The following DEPDC1B variants were observed in gnomAD, a reference collection of about 807,000 sequenced individuals.
DEPDC1B encodes the protein DEP domain containing 1B, also known as DEP domain-containing protein 1B.
In DEPDC1B, 51 loss-of-function variants were observed where a neutral mutation model predicts 66.5. The observed-to-expected ratio is 0.77, with a 90% confidence interval of 0.61 to 0.97. The LOEUF is 0.97. Ranked by LOEUF, DEPDC1B falls within the 50% of genes least tolerant of loss-of-function variation. The probability of loss-of-function intolerance (pLI) is 0.00; values close to 1 mark genes in which losing one functional copy is unlikely to be tolerated. For synonymous variants in DEPDC1B, 226 were observed against 223.6 expected, an observed-to-expected ratio of 1.01 and a Z score of -0.10; for missense variants, 552 against 637.1, an observed-to-expected ratio of 0.87 and a Z score of 1.44.
chr5:60,681,302 G>A (rs1292542545), intron 2 of DEPDC1B, among the ~76,000 whole-genome samples: 2 of 152,106 alleles, frequency 1.3e-5, no homozygotes, highest in Non-Finnish European at 1.5e-5. Flanking sequence ...AGAGCGGCAG[G>A]ACCAGCCTGC....
chr5:60,683,921 C>G (rs1174366366), intron 2 of DEPDC1B, among the ~76,000 whole-genome samples: 1 of 151,604 alleles, frequency 6.6e-6, no homozygotes, highest in Admixed American at 6.6e-5. Flanking sequence ...GATACAAAAT[C>G]AACACACAAA....
intron 2 of DEPDC1B, 23 bp from the exon 3 acceptor site, chr5:60,647,556 C>A (rs377124783): frequency 6.2e-7 from 1 of 1,609,262 alleles, no homozygotes; most frequent in Non-Finnish European, 8.5e-7. Context: ...AAGAAATTCT[C>A]TATTACTGCA....
intron 1 of DEPDC1B, among the ~76,000 whole-genome samples, chr5:60,695,041 A>G (rs545644315): frequency 2.0e-5 from 3 of 152,260 alleles, no homozygotes; most frequent in East Asian, 1.9e-4. Flanking sequence ...GTATTAAAAT[A>G]TTTATCAAAA....
intron 1 of DEPDC1B, among the ~76,000 whole-genome samples, chr5:60,690,172 CATAAGT>C (rs1490603640): frequency 6.6e-6 from 1 of 152,098 alleles, no homozygotes; most frequent in African/African-American, 2.4e-5. Context: ...TACTTATAAA[CATAAGT>C]ATATTTATGC....
chr5:60,629,145 T>G (rs538091538), intron 7 of DEPDC1B, among the ~76,000 whole-genome samples: 2 of 152,216 alleles, frequency 1.3e-5, no homozygotes, highest in Non-Finnish European at 2.9e-5. Context: ...TTTCTTACAT[T>G]GTCCACCATG....
At chr5:60,666,482 C>T (rs911010203) in intron 2 of DEPDC1B, among the ~76,000 whole-genome samples, 3 of 152,150 alleles carry the variant, frequency 2.0e-5, no homozygotes, top group African/African-American at 7.2e-5. Context: ...GTACTCTCCC[C>T]TTTTCCCTAA....
chr5:60,597,930 G>A lies in DEPDC1B; in HGVS notation c.1429-16C>T. ...ATTTCTGAAACTAAAAAAATGAATGGTCCAAGAAGAGTAAAAAAAGACACA... is the reference window on the plus strand; with the variant it reads ...ATTTCTGAAACTAAAAAAATGAATGATCCAAGAAGAGTAAAAAAAGACACA... On this transcript the variant is annotated splice_polypyrimidine_tract_variant and intron_variant, in intron 10 of 10. Transcript: ENST00000265036. 1 of 1,551,696 alleles carries A rather than the reference G, an allele frequency of 6.4e-7. No homozygotes were observed. Among genetic ancestry groups the A allele is most frequent in the Non-Finnish European group, 8.6e-7 (1 of 1,157,100 alleles).
chr5:60,669,651 C>T (rs1385051555), intron 2 of DEPDC1B, among the ~76,000 whole-genome samples: 3 of 152,090 alleles, frequency 2.0e-5, no homozygotes, highest in African/African-American at 7.2e-5. Flanking sequence ...ATGTCAGGAA[C>T]ATAAAGTGTT....
intron 2 of DEPDC1B, among the ~76,000 whole-genome samples, chr5:60,667,636 T>G (rs1243143038): frequency 7.4e-6 from 1 of 135,900 alleles, no homozygotes; most frequent in East Asian, 2.3e-4. Context: ...ATTTTACATA[T>G]ATGAAAAATG....
intron 2 of DEPDC1B, among the ~76,000 whole-genome samples, chr5:60,664,813 T>C (rs1273437291): frequency 1.3e-5 from 2 of 152,080 alleles, no homozygotes; most frequent in Non-Finnish European, 2.9e-5. Flanking sequence ...TAAATATATA[T>C]ACAGAATCTA....
Position 60,599,320 on chromosome 5 carries a change from T to A in DEPDC1B, c.1243-60A>T. On this transcript the variant is annotated intron_variant, in intron 9 of 10. Coordinates refer to ENST00000265036, the MANE Select transcript of DEPDC1B (RefSeq NM_018369.3). ...CATATTTTCAAATAAATTATAAGAA[T>A]TAGTTTAGATCAAATACAGGATATC... The A allele has an allele frequency of 2.2e-6, 3 of 1,345,384 alleles. No homozygotes were observed. The South Asian group carries it at 5.1e-5, about 23-fold the overall frequency. The allele number at this position is 1,345,384 out of a possible 1,614,324, so 83.3% of individuals were successfully genotyped here.
intron 7 of DEPDC1B, among the ~76,000 whole-genome samples, chr5:60,616,894 C>T (rs1476320654): frequency 6.6e-6 from 1 of 152,162 alleles, no homozygotes; most frequent in East Asian, 1.9e-4. Flanking sequence ...AGAGAAAGGT[C>T]AGGTTACCCA....
chr5:60,612,374 G>T (rs140763043), intron 7 of DEPDC1B, among the ~76,000 whole-genome samples: 5,260 of 149,822 alleles, frequency 0.035, 116 homozygotes, highest in Non-Finnish European at 0.048. Flanking sequence ...AATGAGCCAA[G>T]ATTGTGCCGC....
At chr5:60,624,007 A>C (rs1216062834) in intron 7 of DEPDC1B, among the ~76,000 whole-genome samples, 2 of 152,028 alleles carry the variant, frequency 1.3e-5, no homozygotes, top group Non-Finnish European at 2.9e-5. Flanking sequence ...CATGCCTTTA[A>C]GGCATGAAAG....
chr5:60,654,184 A>T (rs1262119378), intron 2 of DEPDC1B, among the ~76,000 whole-genome samples: 1 of 148,870 alleles, frequency 6.7e-6, no homozygotes, highest in Admixed American at 6.7e-5. Flanking sequence ...GAATTTGTAG[A>T]TTGCTTTTGG....
intron 9 of DEPDC1B, among the ~76,000 whole-genome samples, chr5:60,602,741 TC>T (rs1457361937): frequency 6.6e-6 from 1 of 152,150 alleles, no homozygotes; most frequent in African/African-American, 2.4e-5. Context: ...GTTCTAATCT[TC>T]ACAACTTTAT....
intron 7 of DEPDC1B, among the ~76,000 whole-genome samples, chr5:60,608,119 A>T (rs1455149004): frequency 6.6e-6 from 1 of 152,216 alleles, no homozygotes; most frequent in Non-Finnish European, 1.5e-5. Flanking sequence ...GAAGACACAC[A>T]GTATGCTGAT....
chr5:60,608,227 T>C (rs1752349379), intron 7 of DEPDC1B, among the ~76,000 whole-genome samples: 1 of 152,180 alleles, frequency 6.6e-6, no homozygotes, highest in Admixed American at 6.5e-5. Flanking sequence ...TTCTATCTCA[T>C]TGTCCCACAA....
Position 60,597,566 on chromosome 5 carries a change from A to C in DEPDC1B, c.*187T>G, listed in dbSNP as rs1047843115. 3.5e-6 allele frequency: 2 copies of C among 576,504 alleles called. No individual in the cohort carries two copies. Among genetic ancestry groups the C allele is most frequent in the Non-Finnish European group, 5.7e-6 (2 of 348,142 alleles). The allele number at this position is 576,504 out of a possible 1,614,324, so 35.7% of individuals were successfully genotyped here. A position where few individuals can be genotyped will look rare whatever the true frequency, so the allele number is the denominator to read the frequency against. Reference sequence around the variant, plus strand: ...TTTTAACCAATTTATACACTTTAAAACTAGCATTGAGTTTTATAAAAATAC... The same window carrying C: ...TTTTAACCAATTTATACACTTTAAACCTAGCATTGAGTTTTATAAAAATAC... On this transcript the variant is annotated 3_prime_UTR_variant, in exon 11 of 11. Coordinates refer to ENST00000265036, the MANE Select transcript of DEPDC1B (RefSeq NM_018369.3).
Sources: gnomAD v4.1 joint callset for allele counts (sites outside exome capture counted in the v4.1 genomes callset) on GRCh38, gnomAD v4.1.1 for gene constraint, MANE v1.5 for transcripts, NCBI Gene and HGNC (gene_info 2026-07-23, HGNC 2026-07-21) for gene names.